SMAD4: variants seen among roughly 807,000 people sequenced by gnomAD.
The protein encoded by SMAD4 is MAD homolog 4.
In SMAD4, 7 loss-of-function variants were observed where a neutral mutation model predicts 63.2. That is an observed-to-expected ratio of 0.11 (90% confidence interval 0.06 to 0.21). SMAD4 has a LOEUF of 0.21. SMAD4 is among the 10% of genes least tolerant of loss of function. SMAD4 has a pLI of 1.00. For synonymous variants in SMAD4, 215 were observed against 235.4 expected (o/e 0.91, Z 0.79); for missense variants, 312 against 693.8 (o/e 0.45, Z 6.18).
chr18:51,031,084 C>T (rs1023575909), intron 1 of SMAD4, among the ~76,000 whole-genome samples: 5 of 152,184 alleles, frequency 3.3e-5, no homozygotes, highest in African/African-American at 1.2e-4. Flanking sequence ...TCTTGTCATG[C>T]CAGTTTACGC....
rs750933193 is a variant in SMAD4 at position 51,076,700 on chromosome 18, A to G, written c.1371A>G (p.Ala457=). The change falls in exon 11 of 12, where the codon GCA becomes GCG. Residue 457 remains alanine, a synonymous_variant. Coordinates refer to ENST00000342988, the MANE Select transcript of SMAD4 (RefSeq NM_005359.6). ...AGCAGGCGGCTACTGCACAAGCTGC[A>G]GCAGCTGCCCAGGCAGCAGCCGTGG... ...MQQQAATAQA[A]AAAQAAAVAG... is the part of the protein sequence containing the mutation. 8 of 1,612,312 alleles carry G rather than the reference A, an allele frequency of 5.0e-6. No individual in the cohort carries two copies. Among genetic ancestry groups the G allele is most frequent in the Non-Finnish European group, 5.9e-6 (7 of 1,178,432 alleles).
chr18:51,035,338 A>G (rs975044770), intron 1 of SMAD4, among the ~76,000 whole-genome samples: 3 of 151,902 alleles, frequency 2.0e-5, no homozygotes, highest in Non-Finnish European at 4.4e-5. Context: ...GCTTACTTGT[A>G]CTCCTTTTGG....
At position 51,080,887 on chromosome 18, in the gene SMAD4, T is replaced by C. The variant is rs1568212265; in HGVS notation, c.*2420T>C. On this transcript the variant is annotated 3_prime_UTR_variant, in exon 12 of 12. Transcript: ENST00000342988. The stretch of plus-strand genomic sequence containing the variant: ...TAAGGAAAGTTTTCATGTTTAATCA[T>C]CTGGGGAAAGTATGTGAAAAATATT... The C allele has an allele frequency of 5.4e-6, 1 of 184,214 alleles. No homozygotes were observed. The highest frequency in any genetic ancestry group is 2.3e-5 in the African/African-American group (1 of 42,626). 11.4% of individuals were successfully genotyped at this position (184,214 alleles called of 1,614,324 possible).
intron 1 of SMAD4, among the ~76,000 whole-genome samples, chr18:51,045,407 A>T (rs1909513267): frequency 6.6e-6 from 1 of 152,222 alleles, no homozygotes; most frequent in South Asian, 2.1e-4. Context: ...AAGCACACAA[A>T]GTACAGGCTC....
chr18:51,031,889 C>CT (rs1227726948), intron 1 of SMAD4, among the ~76,000 whole-genome samples: 3 of 151,804 alleles, frequency 2.0e-5, no homozygotes, highest in South Asian at 2.1e-4. Flanking sequence ...TAAAATGTAA[C>CT]TTTTTTTTAA....
chr18:51,045,753 T>C (rs537736461), intron 1 of SMAD4, among the ~76,000 whole-genome samples: 2 of 152,282 alleles, frequency 1.3e-5, no homozygotes, highest in African/African-American at 4.8e-5. Context: ...TTTTTCATTA[T>C]AACAAAGAAA....
At chr18:51,077,958 A>G (rs1188583993) in intron 11 of SMAD4, among the ~76,000 whole-genome samples, 1 of 152,226 alleles carries the variant, frequency 6.6e-6, no homozygotes. Flanking sequence ...GTTGTTTCTT[A>G]TCCCTTCACC....
At position 51,047,200 on chromosome 18, in the gene SMAD4, G is replaced by C. The variant is rs2144401301; in HGVS notation, c.154G>C (p.Asp52His). The change falls in exon 2 of 12, where the codon GAT becomes CAT. Residue 52 changes from aspartate (D) to histidine (H), a missense_variant. By Grantham distance (81) the Asp-to-His change is moderately conservative. This residue lies in a region of SMAD4 where 37 missense variants were observed against 87.3 expected (regional missense o/e 0.42). Transcript: ENST00000342988. ...SLVKKLKEKK[D>H]ELDSLITAIT... ...GGTAAAGAAGCTGAAGGAGAAAAAA[G>C]ATGAATTGGATTCTTTAATAACAGC... The C allele has an allele frequency of 6.2e-7, 1 of 1,613,968 alleles. No individual in the cohort carries two copies. Among genetic ancestry groups the C allele is most frequent in the Non-Finnish European group, 8.5e-7 (1 of 1,179,868 alleles).
intron 1 of SMAD4, among the ~76,000 whole-genome samples, chr18:51,036,420 A>T (rs1022600055): frequency 4.6e-5 from 7 of 152,184 alleles, no homozygotes; most frequent in Admixed American, 4.6e-4. Flanking sequence ...CAGTCCTTGT[A>T]AAAATTGAAT....
At chr18:51,062,645 C>T (rs1316880434) in intron 8 of SMAD4, among the ~76,000 whole-genome samples, 1 of 151,576 alleles carries the variant, frequency 6.6e-6, no homozygotes, top group Non-Finnish European at 1.5e-5. Context: ...ATTATAGGCA[C>T]CCGCCACCAT....
At chr18:51,055,577 TAGG>T in intron 5 of SMAD4, among the ~76,000 whole-genome samples, 1 of 152,066 alleles carries the variant, frequency 6.6e-6, no homozygotes, top group Non-Finnish European at 1.5e-5. Context: ...TGCCATGTCA[TAGG>T]AGGGAGAGGG....
chr18:51,031,786 T>C (rs1215760236), intron 1 of SMAD4, among the ~76,000 whole-genome samples: 2 of 152,112 alleles, frequency 1.3e-5, no homozygotes, highest in Non-Finnish European at 2.9e-5. Context: ...AACAAGGCAT[T>C]TGAATAATTT....
At chr18:51,050,344 C>G (rs142749444) in intron 4 of SMAD4, among the ~76,000 whole-genome samples, 1 of 135,678 alleles carries the variant, frequency 7.4e-6, no homozygotes, top group African/African-American at 2.8e-5. Flanking sequence ...GGGCAACGAG[C>G]GAAACTGTCT....
rs562023794 is a variant in SMAD4 at position 51,080,371 on chromosome 18, T to G, written c.*1904T>G. 1.3e-5 allele frequency: 3 copies of G among 231,840 alleles called. No homozygotes were observed. In the South Asian group the frequency reaches 5.4e-4, roughly 42 times the overall value. 14.4% of individuals were successfully genotyped at this position (231,840 alleles called of 1,614,324 possible). A position where few individuals can be genotyped will look rare whatever the true frequency, so the allele number is the denominator to read the frequency against. On this transcript the variant is annotated 3_prime_UTR_variant, in exon 12 of 12. Coordinates refer to ENST00000342988, the MANE Select transcript of SMAD4 (RefSeq NM_005359.6). Reference sequence around the variant, plus strand: ...AACACCTAATTTTCTTCTGTAAAAGTTTGGTGATTTAAGTTTTATTGGCAG... The same window carrying G: ...AACACCTAATTTTCTTCTGTAAAAGGTTGGTGATTTAAGTTTTATTGGCAG...
chr18:51,046,012 CTA>C (rs1336416545), intron 1 of SMAD4, among the ~76,000 whole-genome samples: 4 of 152,096 alleles, frequency 2.6e-5, no homozygotes, highest in African/African-American at 9.7e-5. Flanking sequence ...GGAATTTTAT[CTA>C]TGCATTCATC....
At position 51,079,706 on chromosome 18, in the gene SMAD4, G is replaced by C. The variant is rs1171670202; in HGVS notation, c.*1239G>C. 8.6e-6 allele frequency: 2 copies of C among 233,308 alleles called. No homozygotes were observed. The highest frequency in any genetic ancestry group is 1.7e-5 in the Non-Finnish European group (2 of 117,928). 14.5% of individuals were successfully genotyped at this position (233,308 alleles called of 1,614,324 possible). A position where few individuals can be genotyped will look rare whatever the true frequency, so the allele number is the denominator to read the frequency against. ...TAAGTAGAAAAGTTGCAGATGTATTGACTGTACCACAGACACAATATGTAT... is the reference window on the plus strand; with the variant it reads ...TAAGTAGAAAAGTTGCAGATGTATTCACTGTACCACAGACACAATATGTAT... On this transcript the variant is annotated 3_prime_UTR_variant, in exon 12 of 12. Transcript: ENST00000342988.
intron 1 of SMAD4, among the ~76,000 whole-genome samples, chr18:51,040,364 C>G (rs989579147): frequency 1.3e-4 from 20 of 150,752 alleles, no homozygotes; most frequent in African/African-American, 4.4e-4. Flanking sequence ...GCAGAAGTGG[C>G]AGTGAGCCAA....
rs186751378 is a variant in SMAD4 at position 51,081,394 on chromosome 18, G to T, written c.*2927G>T. 1 of 229,454 alleles carries T rather than the reference G, an allele frequency of 4.4e-6. No homozygotes were observed. The highest frequency in any genetic ancestry group is 2.2e-5 in the African/African-American group (1 of 45,074). 14.2% of individuals were successfully genotyped at this position (229,454 alleles called of 1,614,324 possible). A position where few individuals can be genotyped will look rare whatever the true frequency, so the allele number is the denominator to read the frequency against. ...GCCTTTATTTTCCGGGGAGTAGATC[G>T]TGGGATATAGTCTATCTCATTTTTA... is the stretch of plus-strand genomic sequence containing the variant. On this transcript the variant is annotated 3_prime_UTR_variant, in exon 12 of 12. Transcript: ENST00000342988.
At chr18:51,067,821 T>C (rs1910205772) in intron 10 of SMAD4, among the ~76,000 whole-genome samples, 1 of 152,234 alleles carries the variant, frequency 6.6e-6, no homozygotes. Flanking sequence ...TGGACTTTCA[T>C]CTTAGCCAAT....
Sources: allele counts gnomAD v4.1 joint callset (sites outside exome capture counted in the v4.1 genomes callset), GRCh38; gene constraint gnomAD v4.1.1; regional missense constraint gnomAD v4.1.1; transcripts MANE v1.5; gene names NCBI Gene and HGNC (gene_info 2026-07-23, HGNC 2026-07-21).